SNTG2: variants seen among roughly 807,000 people sequenced by gnomAD.
SNTG2 encodes the protein syntrophin gamma 2, also known as gamma-2-syntrophin.
In SNTG2, 74 loss-of-function variants were observed where a neutral mutation model predicts 70.9. The observed-to-expected ratio is 1.04, with a 90% CI of 0.86 to 1.27. The LOEUF is 1.27. SNTG2 is among the 50% of genes most tolerant of loss of function. The pLI, the probability that SNTG2 is intolerant of heterozygous loss-of-function variation, is 0.00. For missense variants in SNTG2, 717 were observed against 690.7 expected, an observed-to-expected ratio of 1.04 and a Z score of -0.43; for synonymous variants, 278 against 273.8, an observed-to-expected ratio of 1.02 and a Z score of -0.15.
chr2:1,337,067 G>T (rs1024507983), intron 16 of SNTG2, among the ~76,000 whole-genome samples: 2 of 151,890 alleles, frequency 1.3e-5, no homozygotes, highest in Non-Finnish European at 2.9e-5. Context: ...TCTTTTTTAG[G>T]TTGAATAATA....
At position 1,350,169 on chromosome 2, in the gene SNTG2, A is replaced by G. The variant is rs117695264; in HGVS notation, c.1489-17174A>G. On this transcript the variant is annotated intron_variant, in intron 16 of 16. Coordinates refer to ENST00000308624, the MANE Select transcript of SNTG2 (RefSeq NM_018968.4). ...TTGCATCCCCCTCCCTGCGATGCCT[A>G]TTAGGATAATTATGGTTTTTTAATG... Among the ~76,000 whole-genome samples, 230 of 151,692 alleles carry G rather than the reference A, an allele frequency of 1.5e-3. No homozygotes were observed. The East Asian group carries it at 0.025, about 16-fold the overall frequency.
intron 14 of SNTG2, among the ~76,000 whole-genome samples, chr2:1,295,240 A>G (rs73177761): frequency 0.012 from 1,793 of 152,238 alleles, 41 homozygotes; most frequent in African/African-American, 0.041. Flanking sequence ...GGGCGGATGT[A>G]GTGTCTCATG....
At chr2:1,207,642 G>T (rs761902213) in intron 8 of SNTG2, among the ~76,000 whole-genome samples, 47 of 152,210 alleles carry the variant, frequency 3.1e-4, no homozygotes, top group Non-Finnish European at 5.7e-4. Flanking sequence ...CACTCTTTCT[G>T]TTAAGCGTAA....
intron 6 of SNTG2, among the ~76,000 whole-genome samples, chr2:1,151,533 C>T (rs907488057): frequency 6.6e-6 from 1 of 152,214 alleles, no homozygotes; most frequent in African/African-American, 2.4e-5. Flanking sequence ...AGCTTTCCCC[C>T]TAGATTGAAG....
At chr2:1,126,197 C>G (rs995201264) in intron 4 of SNTG2, among the ~76,000 whole-genome samples, 2 of 152,138 alleles carry the variant, frequency 1.3e-5, no homozygotes, top group Non-Finnish European at 2.9e-5. Flanking sequence ...CTCCTTAGTT[C>G]TATGAGACCA....
chr2:1,039,635 G>A (rs1358365371), intron 1 of SNTG2, among the ~76,000 whole-genome samples: 1 of 152,240 alleles, frequency 6.6e-6, no homozygotes, highest in East Asian at 1.9e-4. Context: ...GTATGGTACG[G>A]CATGATCATG....
chr2:1,103,391 A>C (rs4971440), intron 4 of SNTG2: 83,520 of 233,518 alleles, frequency 0.36, 12,765 homozygotes, highest in East Asian at 0.58. Context: ...TTTTTTTTTT[A>C]TTTTTTTTTT....
At chr2:1,311,056 G>A (rs56274588) in intron 15 of SNTG2, among the ~76,000 whole-genome samples, 19,478 of 152,110 alleles carry the variant, frequency 0.13, 1,386 homozygotes, top group South Asian at 0.2. Context: ...TAAGCATGCC[G>A]GCGGTCCGGG....
At chr2:1,085,653 C>T (rs549994337) in intron 2 of SNTG2, among the ~76,000 whole-genome samples, 7 of 152,338 alleles carry the variant, frequency 4.6e-5, no homozygotes, top group South Asian at 2.1e-4. Context: ...AAATTCTGTC[C>T]GTGTATCCAG....
chr2:1,315,575 A>C (rs1681236682), intron 15 of SNTG2, among the ~76,000 whole-genome samples: 1 of 152,202 alleles, frequency 6.6e-6, no homozygotes, highest in Non-Finnish European at 1.5e-5. Context: ...TTTATAGAAG[A>C]CATCCATTAC....
chr2:1,021,106 G>A (rs1476039178), intron 1 of SNTG2, among the ~76,000 whole-genome samples: 1 of 152,176 alleles, frequency 6.6e-6, no homozygotes, highest in East Asian at 1.9e-4. Context: ...GTAAGGAATC[G>A]TGTTTTGATC....
intron 16 of SNTG2, among the ~76,000 whole-genome samples, chr2:1,327,016 T>G (rs1681791173): frequency 6.6e-6 from 1 of 152,028 alleles, no homozygotes; most frequent in Non-Finnish European, 1.5e-5. Context: ...ATATATCTTC[T>G]TATATTTTTT....
intron 2 of SNTG2, among the ~76,000 whole-genome samples, chr2:1,088,290 A>G (rs1186297486): frequency 6.6e-6 from 1 of 152,204 alleles, no homozygotes; most frequent in Admixed American, 6.5e-5. Flanking sequence ...CTCAGATCCC[A>G]ACACAGAATC....
intron 1 of SNTG2, among the ~76,000 whole-genome samples, chr2:1,016,015 C>A (rs1330154358): frequency 6.6e-6 from 1 of 152,110 alleles, no homozygotes; most frequent in African/African-American, 2.4e-5. Flanking sequence ...ACACTGTATA[C>A]ATGTGTTATG....
At chr2:956,698 A>G (rs942534531) in intron 1 of SNTG2, among the ~76,000 whole-genome samples, 2 of 152,258 alleles carry the variant, frequency 1.3e-5, no homozygotes, top group African/African-American at 4.8e-5. Flanking sequence ...AGAAGGACAC[A>G]GCCCGGGGAA....
At chr2:1,295,413 A>G (rs1680160369) in intron 14 of SNTG2, among the ~76,000 whole-genome samples, 1 of 152,214 alleles carries the variant, frequency 6.6e-6, no homozygotes, top group African/African-American at 2.4e-5. Context: ...CCGCTTCAGT[A>G]AGTTACCCAT....
chr2:1,193,465 G>C (rs1398162650), intron 8 of SNTG2, among the ~76,000 whole-genome samples: 1 of 152,178 alleles, frequency 6.6e-6, no homozygotes, highest in Non-Finnish European at 1.5e-5. Flanking sequence ...TTATTTTTCT[G>C]AGATACTAAA....
Position 1,123,326 on chromosome 2 carries a change from CAAAACAGTATGGTGTTGGTATAA to C in SNTG2, c.326-14288_326-14266del, listed in dbSNP as rs1354503952. On this transcript the variant is annotated intron_variant, in intron 4 of 16. Transcript: ENST00000308624. ...ATTTAGATTATATTACTATAGTAAT[CAAAACAGTATGGTGTTGGTATAA>C]AAAACAGACACCTACACCAGTGGAG... 2.0e-5 allele frequency among the ~76,000 whole-genome samples: 3 copies of C among 152,106 alleles called. No individual in the cohort carries two copies. The East Asian group carries it at 5.8e-4, about 29-fold the overall frequency.
chr2:1,016,301 G>C (rs1304505803), intron 1 of SNTG2, among the ~76,000 whole-genome samples: 1 of 152,192 alleles, frequency 6.6e-6, no homozygotes, highest in African/African-American at 2.4e-5. Flanking sequence ...GAGTTCAGTG[G>C]CGTGATCTTG....
Sources: gnomAD v4.1 joint callset for allele counts (sites outside exome capture counted in the v4.1 genomes callset) on GRCh38, gnomAD v4.1.1 for gene constraint, MANE v1.5 for transcripts, NCBI Gene and HGNC (gene_info 2026-07-23, HGNC 2026-07-21) for gene names.